FLYWCH1: variants seen among roughly 807,000 people sequenced by gnomAD.
FLYWCH1 encodes FLYWCH-type zinc finger-containing protein 1.
A neutral mutation model predicts 66.4 loss-of-function variants in FLYWCH1; 75 were observed. The ratio of observed to expected loss-of-function variants is 1.13; its 90% CI spans 0.94 to 1.37. The LOEUF is 1.37. Among genes scored for constraint, FLYWCH1 ranks in the 40% most tolerant of loss-of-function variants. The pLI, the probability that FLYWCH1 is intolerant of heterozygous loss-of-function variation, is 0.00. For synonymous variants in FLYWCH1, 595 were observed against 429.9 expected (o/e 1.38, Z -4.75); for missense variants, 1,334 against 1,001.8 (o/e 1.33, Z -4.48).
intron 2 of FLYWCH1, among the ~76,000 whole-genome samples, chr16:2,917,193 A>G (rs545139631): frequency 6.6e-6 from 1 of 151,160 alleles, no homozygotes; most frequent in Non-Finnish European, 1.5e-5. Flanking sequence ...TTAAAAAGCC[A>G]TGACTTTCCC....
intron 2 of FLYWCH1, among the ~76,000 whole-genome samples, chr16:2,927,200 GC>G (rs1224220528): frequency 6.6e-6 from 1 of 152,114 alleles, no homozygotes; most frequent in Non-Finnish European, 1.5e-5. Flanking sequence ...GTCCTCAGCC[GC>G]CCACTATGAG....
In FLYWCH1 at chr16:2,933,452, C is replaced by T. The variant is rs780733641; in HGVS notation, c.1119C>T (p.Leu373=). The T allele has an allele frequency of 7.5e-6, 12 of 1,601,384 alleles. No individual in the cohort carries two copies. The Admixed American group carries it at 1.2e-4, about 16-fold the overall frequency. ...DTLLRGVDSL[L]YRRGPGPLTL... ...TGCTCCGAGGCGTGGATAGTTTGCT[C>T]TACCGCAGGGGTCCGGGTCCCCTGA... Residue 373 remains leucine (L), a synonymous_variant, in exon 5 of 10, where the codon CTC becomes CTT. Coordinates refer to ENST00000253928, the MANE Select transcript of FLYWCH1 (RefSeq NM_001308068.2).
chr16:2,921,525 G>A (rs1386740139), intron 2 of FLYWCH1, among the ~76,000 whole-genome samples: 1 of 151,988 alleles, frequency 6.6e-6, no homozygotes, highest in African/African-American at 2.4e-5. Flanking sequence ...GCAAGACCCT[G>A]TCATTACCAA....
chr16:2,924,857 A>C (rs1009442525), intron 2 of FLYWCH1, among the ~76,000 whole-genome samples: 2 of 152,216 alleles, frequency 1.3e-5, no homozygotes, highest in Non-Finnish European at 2.9e-5. Context: ...AACTTTTTCC[A>C]GATCTGTTGA....
At position 2,930,739 on chromosome 16, in the gene FLYWCH1, GT is replaced by G. The variant is rs779581237; in HGVS notation, c.656del (p.Val219GlyfsTer18). On this transcript the variant is annotated frameshift_variant, in exon 4 of 10. Transcript: ENST00000253928. LOFTEE classifies it high-confidence loss of function. ...GGRVEEPLEG[V>X]GPWQCPEEPE... ...CCGAGTGGAGGAGCCCCTGGAGGGG[GT>G]GGGCCCGTGGCAGTGCCCTGAGGAG... 118 of 1,555,752 alleles carry G rather than the reference GT, an allele frequency of 7.6e-5. No individual in the cohort carries two copies. The highest frequency in any genetic ancestry group is 9.6e-5 in the Non-Finnish European group (111 of 1,155,210).
intron 5 of FLYWCH1, 47 bp downstream of exon 5, chr16:2,933,629 C>T (rs867590520): frequency 6.4e-7 from 1 of 1,561,460 alleles, no homozygotes; most frequent in Non-Finnish European, 8.7e-7. Flanking sequence ...TTGACTCTTG[C>T]CTCCAGAGGT....
intron 2 of FLYWCH1, among the ~76,000 whole-genome samples, chr16:2,916,057 G>T (rs571238348): frequency 6.6e-6 from 1 of 152,128 alleles, no homozygotes; most frequent in South Asian, 2.1e-4. Context: ...TTTAAAGTCT[G>T]TTGTTTTGGC....
chr16:2,936,322 T>A, intron 6 of FLYWCH1: 1 of 446,442 alleles, frequency 2.2e-6, no homozygotes, highest in South Asian at 1.6e-5. Flanking sequence ...TTCTGTCTCG[T>A]GGTCCCCAGG....
intron 2 of FLYWCH1, among the ~76,000 whole-genome samples, chr16:2,926,328 G>T (rs149959776): frequency 3.3e-5 from 5 of 152,330 alleles, no homozygotes; most frequent in African/African-American, 1.2e-4. Flanking sequence ...AGTATGGAAT[G>T]ATTGGGCCAT....
chr16:2,939,271 C>T (rs1222770944), intron 8 of FLYWCH1, among the ~76,000 whole-genome samples: 2 of 152,114 alleles, frequency 1.3e-5, no homozygotes, highest in Admixed American at 6.6e-5. Context: ...CATGGAGAAA[C>T]CCCGTCTCTA....
Position 2,933,168 on chromosome 16 carries a change from G to C in FLYWCH1, c.835G>C (p.Gly279Arg). 3 of 1,613,654 alleles carry C rather than the reference G, an allele frequency of 1.9e-6. No individual in the cohort carries two copies. Among genetic ancestry groups the C allele is most frequent in the Non-Finnish European group, 2.5e-6 (3 of 1,179,816 alleles). The change falls in exon 5 of 10, where the codon GGG (glycine) becomes CGG (arginine). Residue 279 changes from glycine (G) to arginine (R), a missense_variant. Gly to Arg is a moderately radical substitution (Grantham distance 125, BLOSUM62 -2). Transcript: ENST00000253928. ...CCTCGAGTTCCTGAGGACGTGCTAC[G>C]GGGGCAGCTTCCTGGTACACGAGTC... ...RPLEFLRTCY[G>R]GSFLVHESFL...
chr16:2,933,587 GCTGCCTTCCTTTGGGGCTCACCGGCC>G lies in FLYWCH1; in HGVS notation c.1249+13_1249+38del. On this transcript the variant is annotated splice_donor_region_variant and intron_variant, in intron 5 of 9. Transcript: ENST00000253928. The stretch of plus-strand genomic sequence containing the variant: ...AGGACATGGACGCAGACCCGGGTGA[GCTGCCTTCCTTTGGGGCTCACCGGCC>G]CTGCCTTGACTCTTGCCTCCAGAGG... The G allele has an allele frequency of 3.2e-6, 5 of 1,581,068 alleles. No homozygotes were observed. The highest frequency in any genetic ancestry group is 3.4e-6 in the Non-Finnish European group (4 of 1,163,286).
intron 1 of FLYWCH1, 87 bp from the exon 2 acceptor site, chr16:2,914,089 T>C (rs886322): frequency 0.86 from 130,324 of 152,240 alleles, 56,100 homozygotes; most frequent in African/African-American, 0.88. Flanking sequence ...ACCTGGATGC[T>C]GAACACCTTG....
rs144439593 is a variant in FLYWCH1 at position 2,925,619 on chromosome 16, C to G, written c.-73-3994C>G. On this transcript the variant is annotated intron_variant, in intron 2 of 9. Coordinates refer to ENST00000253928, the MANE Select transcript of FLYWCH1 (RefSeq NM_001308068.2). ...GCTTTCCGCCCTAACCTTTTCCTGC[C>G]TGGAGCCGCTCTGCTCGAGAGGCGC... 1.7e-3 allele frequency among the ~76,000 whole-genome samples: 255 copies of G among 151,428 alleles called. 7 individuals are homozygous for G. In the East Asian group the frequency reaches 0.044, roughly 26 times the overall value.
At chr16:2,947,363 G>A (rs768939913) in intron 9 of FLYWCH1, among the ~76,000 whole-genome samples, 7 of 152,188 alleles carry the variant, frequency 4.6e-5, no homozygotes, top group Non-Finnish European at 8.8e-5. Context: ...TTGGTGGGAG[G>A]TGAAATGTTC....
intron 8 of FLYWCH1, among the ~76,000 whole-genome samples, chr16:2,939,331 G>A (rs1324028501): frequency 6.6e-6 from 1 of 152,086 alleles, no homozygotes; most frequent in Non-Finnish European, 1.5e-5. Flanking sequence ...TGTAATCCCA[G>A]CTACGCTGTA....
At chr16:2,944,889 G>A (rs1209667756) in intron 9 of FLYWCH1, among the ~76,000 whole-genome samples, 1 of 152,022 alleles carries the variant, frequency 6.6e-6, no homozygotes, top group Non-Finnish European at 1.5e-5. Flanking sequence ...CTTTTTGGAG[G>A]TATCCAAAAG....
chr16:2,944,451 T>G (rs1361648922), intron 9 of FLYWCH1, among the ~76,000 whole-genome samples: 1 of 151,906 alleles, frequency 6.6e-6, no homozygotes, highest in Non-Finnish European at 1.5e-5. Flanking sequence ...TATTTGATAA[T>G]GATAATAAAT....
chr16:2,923,086 T>G, intron 2 of FLYWCH1: 1 of 418,700 alleles, frequency 2.4e-6, no homozygotes, highest in Non-Finnish European at 4.6e-6. Context: ...TTTTATAGTT[T>G]GTTTTGTGTG....
Sources: allele counts gnomAD v4.1 joint callset (sites outside exome capture counted in the v4.1 genomes callset), GRCh38; gene constraint gnomAD v4.1.1; transcripts MANE v1.5; gene names NCBI Gene and HGNC (gene_info 2026-07-23, HGNC 2026-07-21).